Variants in PLGRKT observed in about 807,000 individuals in gnomAD.
The protein encoded by PLGRKT is plasminogen receptor (KT).
Under a neutral mutation model 18.5 loss-of-function variants are expected in PLGRKT, and 22 were observed. That is an observed-to-expected ratio of 1.19 (90% CI 0.85 to 1.70). The LOEUF is 1.70. Among genes scored for constraint, PLGRKT ranks in the 40% most tolerant of loss-of-function variants. The pLI is 0.00. For synonymous variants in PLGRKT, 72 were observed against 52.8 expected, an observed-to-expected ratio of 1.36 and a Z score of -1.58; for missense variants, 235 against 174.4, an observed-to-expected ratio of 1.35 and a Z score of -1.96.
intron 3 of PLGRKT, among the ~76,000 whole-genome samples, chr9:5,419,959 G>A (rs1818543273): frequency 6.6e-6 from 1 of 152,118 alleles, no homozygotes; most frequent in Non-Finnish European, 1.5e-5. Flanking sequence ...TATCCAAAAG[G>A]TAGAAACAAC....
chr9:5,414,717 G>A (rs913996488), intron 3 of PLGRKT, among the ~76,000 whole-genome samples: 2 of 152,158 alleles, frequency 1.3e-5, no homozygotes, highest in Non-Finnish European at 2.9e-5. Context: ...TCTGGTTATC[G>A]AATCTGTTTC....
chr9:5,429,402 G>T (rs1475040277), intron 3 of PLGRKT, among the ~76,000 whole-genome samples: 1 of 152,146 alleles, frequency 6.6e-6, no homozygotes, highest in East Asian at 1.9e-4. Context: ...CATAACAAAG[G>T]ACCACAAACT....
At chr9:5,397,100 T>C (rs1339334933) in intron 3 of PLGRKT, among the ~76,000 whole-genome samples, 7 of 151,976 alleles carry the variant, frequency 4.6e-5, no homozygotes, top group Admixed American at 1.3e-4. Flanking sequence ...GAAGCAAATA[T>C]TTTAGTGGTA....
At chr9:5,424,458 CATAAT>C (rs1181724436) in intron 3 of PLGRKT, among the ~76,000 whole-genome samples, 6 of 116,716 alleles carry the variant, frequency 5.1e-5, no homozygotes, top group African/African-American at 2.0e-4. Context: ...TATATTATAA[CATAAT>C]ATATAACATA....
chr9:5,361,277 T>G (rs528423068), intron 4 of PLGRKT, 90 bp from the exon 5 acceptor site: 5 of 683,648 alleles, frequency 7.3e-6, no homozygotes, highest in African/African-American at 5.5e-5. Flanking sequence ...TACCTGCTTT[T>G]TGGAAGAATG....
At chr9:5,413,679 T>C (rs1818407001) in intron 3 of PLGRKT, among the ~76,000 whole-genome samples, 2 of 152,234 alleles carry the variant, frequency 1.3e-5, no homozygotes, top group Non-Finnish European at 1.5e-5. Context: ...TCTTGATTTT[T>C]ATCCATTGAG....
chr9:5,400,200 G>A (rs1001798102), intron 3 of PLGRKT, among the ~76,000 whole-genome samples: 5 of 151,714 alleles, frequency 3.3e-5, no homozygotes, highest in South Asian at 2.1e-4. Flanking sequence ...GAAAACATAT[G>A]ATCACAGATA....
chr9:5,371,644 G>A (rs1469313286), intron 3 of PLGRKT, among the ~76,000 whole-genome samples: 1 of 152,192 alleles, frequency 6.6e-6, no homozygotes, highest in Admixed American at 6.5e-5. Flanking sequence ...CGTGAAAATG[G>A]ACTAATACAA....
At chr9:5,409,539 A>G (rs1818321004) in intron 3 of PLGRKT, among the ~76,000 whole-genome samples, 1 of 152,122 alleles carries the variant, frequency 6.6e-6, no homozygotes. Flanking sequence ...ACTCCCCTTT[A>G]TATATATACC....
chr9:5,362,794 T>G (rs1365599650), intron 3 of PLGRKT, among the ~76,000 whole-genome samples: 1 of 152,092 alleles, frequency 6.6e-6, no homozygotes, highest in African/African-American at 2.4e-5. Context: ...AGATGGGGCT[T>G]GGCTCCTTGG....
intron 3 of PLGRKT, among the ~76,000 whole-genome samples, chr9:5,380,230 T>C (rs908756196): frequency 6.6e-6 from 1 of 151,986 alleles, no homozygotes; most frequent in South Asian, 2.1e-4. Context: ...CCAGGCGTGG[T>C]GGTGGGCACC....
intron 3 of PLGRKT, among the ~76,000 whole-genome samples, chr9:5,365,457 C>T (rs903251064): frequency 2.0e-5 from 3 of 152,292 alleles, no homozygotes; most frequent in Non-Finnish European, 4.4e-5. Flanking sequence ...TATATACATA[C>T]TCCTCCTCCC....
At chr9:5,379,953 C>G (rs903997849) in intron 3 of PLGRKT, among the ~76,000 whole-genome samples, 1 of 152,166 alleles carries the variant, frequency 6.6e-6, no homozygotes, top group African/African-American at 2.4e-5. Flanking sequence ...GCATACAAGA[C>G]TATTCAATAT....
At chr9:5,367,065 A>C (rs10975074) in intron 3 of PLGRKT, among the ~76,000 whole-genome samples, 32,604 of 148,458 alleles carry the variant, frequency 0.22, 3,695 homozygotes, top group South Asian at 0.28. Flanking sequence ...ACACACACAC[A>C]CACCCCTAGG....
intron 3 of PLGRKT, among the ~76,000 whole-genome samples, chr9:5,395,888 G>GT (rs201547310): frequency 0.21 from 26,693 of 129,448 alleles, 3,528 homozygotes; most frequent in Non-Finnish European, 0.27. Flanking sequence ...TAACCTAACA[G>GT]TTTTTTTTTT....
intron 5 of PLGRKT, among the ~76,000 whole-genome samples, chr9:5,360,783 ATTAT>A (rs1165522393): frequency 1.2e-4 from 18 of 152,336 alleles, no homozygotes; most frequent in Admixed American, 8.5e-4. Context: ...ACAATTTAAT[ATTAT>A]TTATTTGCTG....
Position 5,424,116 on chromosome 9 carries a change from ATAT to A in PLGRKT, c.81+7778_81+7780del, listed in dbSNP as rs1818631333. ...ATATATTATATATGTAATATAGTCT[ATAT>A]TATAATATATATTACATATATTATA... On this transcript the variant is annotated intron_variant, in intron 3 of 5. Transcript: ENST00000223864. Among the ~76,000 whole-genome samples the A allele has an allele frequency of 2.2e-5, 3 of 138,696 alleles. No individual in the cohort carries two copies. In the South Asian group the frequency reaches 6.4e-4, roughly 30 times the overall value. 91.0% of individuals were successfully genotyped at this position (138,696 alleles called of 152,430 possible).
chr9:5,388,353 G>C (rs1817884698), intron 3 of PLGRKT, among the ~76,000 whole-genome samples: 1 of 151,892 alleles, frequency 6.6e-6, no homozygotes, highest in Non-Finnish European at 1.5e-5. Flanking sequence ...GGTGAGATGA[G>C]CACTGAGATA....
intron 3 of PLGRKT, among the ~76,000 whole-genome samples, chr9:5,396,606 A>T (rs1336862987): frequency 2.0e-5 from 3 of 152,068 alleles, no homozygotes; most frequent in African/African-American, 7.3e-5. Flanking sequence ...CAACAAAATA[A>T]TTTCAATAAA....
Sources: allele counts gnomAD v4.1 joint callset (sites outside exome capture counted in the v4.1 genomes callset), GRCh38; gene constraint gnomAD v4.1.1; transcripts MANE v1.5; gene names NCBI Gene and HGNC (gene_info 2026-07-23, HGNC 2026-07-21).